Variants in CELF2 observed in about 807,000 individuals in gnomAD.
CELF2 encodes CUGBP Elav-like family member 2, also known as CUG triplet repeat RNA-binding protein 2.
CELF2 carries 8 observed loss-of-function variants against 62.6 expected under a neutral mutation model. The observed-to-expected ratio is 0.13, with a 90% CI of 0.07 to 0.23. The LOEUF (loss-of-function observed/expected upper bound fraction) is 0.23. Ranked by LOEUF, CELF2 falls within the 10% of genes least tolerant of loss-of-function variation. CELF2 has a pLI of 1.00. For missense variants in CELF2, 333 were observed against 671.0 expected (o/e 0.50, Z 5.56); for synonymous variants, 258 against 250.0 (o/e 1.03, Z -0.30).
chr10:11,164,522 CTT>C (rs1565022270), intron 1 of CELF2, among the ~76,000 whole-genome samples: 1 of 152,164 alleles, frequency 6.6e-6, no homozygotes, highest in Admixed American at 6.5e-5. Flanking sequence ...GGCAGACTTT[CTT>C]TTTTTCTCTC....
chr10:11,068,454 G>T (rs949099705), intron 1 of CELF2, among the ~76,000 whole-genome samples: 1 of 152,168 alleles, frequency 6.6e-6, no homozygotes, highest in African/African-American at 2.4e-5. Flanking sequence ...TTTAATTTTG[G>T]AGTTTCTTTT....
the CELF2 span, among the ~76,000 whole-genome samples, chr10:10,483,994 T>TC: frequency 4.1e-5 from 2 of 49,010 alleles, 1 homozygote; most frequent in South Asian, 2.0e-3. Context: ...CCTCCCTCCC[T>TC]CCCCCGCTTT....
At chr10:10,584,996 G>A in the CELF2 span, among the ~76,000 whole-genome samples, 6 of 152,202 alleles carry the variant, frequency 3.9e-5, no homozygotes, top group African/African-American at 1.4e-4. Context: ...GATCACTAAA[G>A]CAAAATTACA....
rs1164695667 is a variant in CELF2, at chr10:11,247,453, G to A, written c.355-1700G>A. Among the ~76,000 whole-genome samples the A allele has an allele frequency of 2.6e-5, 4 of 152,132 alleles. No individual in the cohort carries two copies. The highest frequency in any genetic ancestry group is 1.9e-4 in the East Asian group (1 of 5,186). On this transcript the variant is annotated intron_variant, in intron 3 of 12. Transcript: ENST00000633077. The surrounding 1 kb of genome is among the most constrained non-coding windows in gnomAD (Gnocchi z 5.4). ...CCCAGATGCAGCCTTGGCTTTCCTC[G>A]CCAGGCAGGATTAAGTCCCACACCC... is the stretch of plus-strand genomic sequence containing the variant.
the CELF2 span, chr10:10,776,304 G>A: frequency 3.3e-5 from 5 of 153,254 alleles, no homozygotes; most frequent in East Asian, 1.9e-4. Context: ...TGCTTACGAC[G>A]GAGTGAGTTG....
intron 1 of CELF2, among the ~76,000 whole-genome samples, chr10:11,140,461 A>G (rs900092768): frequency 2.6e-5 from 4 of 151,860 alleles, no homozygotes; most frequent in African/African-American, 9.7e-5. Flanking sequence ...TTCTCTGTGA[A>G]ATACTGTAGG....
the CELF2 span, among the ~76,000 whole-genome samples, chr10:10,792,052 A>AGGAAGGAGGGAGAGAGGGAGGAG: frequency 1.9e-5 from 2 of 102,628 alleles, no homozygotes; most frequent in African/African-American, 3.6e-5. Context: ...AGAGGGAGGA[A>AGGAAGGAGGGAGAGAGGGAGGAG]GGAAGGAAGG....
In CELF2 at chr10:11,217,250, T is replaced by C. The variant is rs1435974659; in HGVS notation, c.272-175T>C. 6.6e-6 allele frequency among the ~76,000 whole-genome samples: 1 copy of C among 152,220 alleles called. No individual in the cohort carries two copies. Among genetic ancestry groups the C allele is most frequent in the African/African-American group, 2.4e-5 (1 of 41,454 alleles). ...GTGGGTAAAGCTAATAAATATGATT[T>C]AGGATGAAAAGGTACTGTGTAAATG... On this transcript the variant is annotated intron_variant, in intron 2 of 12. Transcript: ENST00000633077. The surrounding 1 kb of genome is among the most constrained non-coding windows in gnomAD (Gnocchi z 5.6).
intron 10 of CELF2, chr10:11,317,702 G>C (rs1197323928): frequency 6.6e-6 from 1 of 152,190 alleles, no homozygotes; most frequent in Admixed American, 6.5e-5. Context: ...CATGTTTATG[G>C]GTTAGTCCTT....
the CELF2 span, among the ~76,000 whole-genome samples, chr10:10,762,221 A>G: frequency 6.6e-6 from 1 of 152,152 alleles, no homozygotes; most frequent in Non-Finnish European, 1.5e-5. Context: ...CCAGAGAGGT[A>G]GGAGGCAACC....
chr10:11,133,504 T>G (rs2059929358), intron 1 of CELF2, among the ~76,000 whole-genome samples: 1 of 152,202 alleles, frequency 6.6e-6, no homozygotes, highest in Non-Finnish European at 1.5e-5. Context: ...CTGTGGTCAT[T>G]GTAAAGGGAA....
rs1013902060 is a variant in CELF2, at chr10:11,005,402, A to G, written c.15A>G (p.Lys5=). ...AGTATAGAAGCATGCGCTGTCCCAA[A>G]TCCGCTGTTACTATGAGAAATGAAG... The change falls in exon 1 of 13, where the codon AAA becomes AAG. Residue 5 remains lysine, a synonymous_variant. Transcript: ENST00000416382. The surrounding 1 kb of genome is among the most constrained non-coding windows in gnomAD (Gnocchi z 4.3). 7 of 1,613,758 alleles carry G rather than the reference A, an allele frequency of 4.3e-6. No individual in the cohort carries two copies. Among genetic ancestry groups the G allele is most frequent in the Admixed American group, 3.3e-5 (2 of 59,990 alleles).
At position 11,290,041 on chromosome 10, in the gene CELF2, C is replaced by G. The variant is rs1259704449; in HGVS notation, c.976+1489C>G. Among the ~76,000 whole-genome samples the G allele has an allele frequency of 6.6e-6, 1 of 152,096 alleles. No individual in the cohort carries two copies. ...GAATGCATTTTGGAGCATCTTCAGT[C>G]CAAAGGAGGCTTGACAGTTTAAGAA... On this transcript the variant is annotated intron_variant, in intron 9 of 12. Coordinates refer to ENST00000633077, the MANE Select transcript of CELF2 (RefSeq NM_001326342.2). This position sits in a 1 kb window ranked among gnomAD's most constrained non-coding sequence, Gnocchi z 4.3.
the CELF2 span, among the ~76,000 whole-genome samples, chr10:10,647,640 G>C: frequency 6.6e-6 from 1 of 152,174 alleles, no homozygotes; most frequent in Non-Finnish European, 1.5e-5. Flanking sequence ...CCTCTGTGAC[G>C]TGATGGAGCA....
the CELF2 span, among the ~76,000 whole-genome samples, chr10:10,605,666 A>G: frequency 6.6e-6 from 1 of 152,214 alleles, no homozygotes; most frequent in African/African-American, 2.4e-5. Flanking sequence ...TTGTATATGC[A>G]TGCTTAAGCT....
intron 8 of CELF2, among the ~76,000 whole-genome samples, chr10:11,287,842 T>C (rs1466969603): frequency 6.6e-6 from 1 of 152,246 alleles, no homozygotes; most frequent in African/African-American, 2.4e-5. Flanking sequence ...AAGGTGGGGT[T>C]CAGTTAATGC....
chr10:10,779,933 T>C, the CELF2 span, among the ~76,000 whole-genome samples: 1 of 151,722 alleles, frequency 6.6e-6, no homozygotes, highest in Non-Finnish European at 1.5e-5. Flanking sequence ...GATCAGTGGA[T>C]GGATCACTGC....
chr10:11,101,368 T>C (rs926112085), intron 1 of CELF2, among the ~76,000 whole-genome samples: 7 of 152,264 alleles, frequency 4.6e-5, no homozygotes, highest in Non-Finnish European at 7.4e-5. Flanking sequence ...TGACTGTATA[T>C]AGGTGTAATT....
the CELF2 span, among the ~76,000 whole-genome samples, chr10:10,703,255 C>T: frequency 6.6e-6 from 1 of 152,098 alleles, no homozygotes; most frequent in Non-Finnish European, 1.5e-5. Flanking sequence ...TAATTGTCTG[C>T]TTTTTACAGA....
Sources: allele counts gnomAD v4.1 joint callset (sites outside exome capture counted in the v4.1 genomes callset), GRCh38; gene constraint gnomAD v4.1.1; non-coding constraint Gnocchi (gnomAD v3.1); transcripts MANE v1.5; gene names NCBI Gene and HGNC (gene_info 2026-07-23, HGNC 2026-07-21).